Variants in ATAD3B observed in about 807,000 individuals in gnomAD.
The protein encoded by ATAD3B is ATPase family AAA domain containing 3B, also known as ATPase family AAA domain-containing protein 3B.
Under a neutral mutation model 70.2 loss-of-function variants are expected in ATAD3B, and 59 were observed. The observed-to-expected ratio is 0.84, with a 90% CI of 0.68 to 1.04. ATAD3B has a LOEUF of 1.04. Among genes scored for constraint, ATAD3B ranks in the 50% least tolerant of loss-of-function variants. ATAD3B has a pLI of 0.00. For synonymous variants in ATAD3B, 423 were observed against 388.6 expected (o/e 1.09, Z -1.04); for missense variants, 961 against 913.4 (o/e 1.05, Z -0.67).
In ATAD3B at chr1:1,486,676, G is replaced by A. The variant is rs1416948398; in HGVS notation, c.1214+8G>A. ...CAATACCAGCCGGCGCGGGTGAGAC[G>A]TCCCCACAGCATGCACCAGGCCCTT... On this transcript the variant is annotated splice_region_variant and intron_variant, in intron 11 of 15. Coordinates refer to ENST00000673477, the MANE Select transcript of ATAD3B (RefSeq NM_031921.6). 1.1e-5 allele frequency: 17 copies of A among 1,591,334 alleles called. 1 individual carries two copies. The highest frequency in any genetic ancestry group is 5.5e-5 in the African/African-American group (4 of 73,020).
At chr1:1,506,802 T>C in the ATAD3B span, among the ~76,000 whole-genome samples, 198 of 149,564 alleles carry the variant, frequency 1.3e-3, no homozygotes, top group African/African-American at 3.0e-3. Flanking sequence ...TTTTTTTTTT[T>C]TTTGATATGG....
chr1:1,496,300 C>T lies in ATAD3B; in HGVS notation c.*483C>T. The T allele has an allele frequency of 2.1e-6, 2 of 935,764 alleles. No individual in the cohort carries two copies. The highest frequency in any genetic ancestry group is 9.9e-5 in the South Asian group (2 of 20,294). 58.0% of individuals were successfully genotyped at this position (935,764 alleles called of 1,614,324 possible). On this transcript the variant is annotated 3_prime_UTR_variant, in exon 16 of 16. Transcript: ENST00000673477. ...GTGACATAAGAGGCAGAGGCTGGAG[C>T]TTTCTGGAGAATTTACTGATCACAG... is the stretch of plus-strand genomic sequence containing the variant.
At chr1:1,487,801 A>T (rs1309482330) in intron 11 of ATAD3B, 62 bp from the exon 12 acceptor site, 1 of 1,594,370 alleles carries the variant, frequency 6.3e-7, no homozygotes. Flanking sequence ...CCGCGGCCGG[A>T]CGCTGCTGTG....
chr1:1,477,047 C>G (rs568467643), intron 1 of ATAD3B, among the ~76,000 whole-genome samples: 9 of 151,844 alleles, frequency 5.9e-5, no homozygotes, highest in Non-Finnish European at 1.0e-4. Flanking sequence ...TTAAGTCTCA[C>G]TCTGTCCAGC....
chr1:1,475,473 C>T (rs902267323), intron 1 of ATAD3B, among the ~76,000 whole-genome samples: 4 of 151,728 alleles, frequency 2.6e-5, no homozygotes, highest in South Asian at 4.2e-4. Context: ...GAGATTCGCC[C>T]GTTGCTTTGT....
rs1274855463 is a variant in ATAD3B at position 1,471,883 on chromosome 1, G to T, written c.-2G>T. ...GGCGGTAGCGGCGGCGGCGGTGCGA[G>T]CATGTCGTGGCTCTTCGGCGTTAAC... On this transcript the variant is annotated 5_prime_UTR_variant, in exon 1 of 16. Coordinates refer to ENST00000673477, the MANE Select transcript of ATAD3B (RefSeq NM_031921.6). The T allele has an allele frequency of 9.4e-6, 12 of 1,274,876 alleles. No homozygotes were observed. Among genetic ancestry groups the T allele is most frequent in the African/African-American group, 1.5e-5 (1 of 65,002 alleles). 79.0% of individuals were successfully genotyped at this position (1,274,876 alleles called of 1,614,324 possible).
At chr1:1,474,172 G>T (rs1296321936) in intron 1 of ATAD3B, among the ~76,000 whole-genome samples, 3 of 150,896 alleles carry the variant, frequency 2.0e-5, no homozygotes, top group African/African-American at 7.4e-5. Flanking sequence ...GGCTTGCTCG[G>T]TAATTTTTCT....
chr1:1,509,261 C>G, the ATAD3B span: 3 of 1,612,838 alleles, frequency 1.9e-6, no homozygotes, highest in Non-Finnish European at 2.5e-6. Flanking sequence ...TGGACACCCG[C>G]GTGCAAGATG....
At chr1:1,506,031 G>A in the ATAD3B span, among the ~76,000 whole-genome samples, 2 of 152,098 alleles carry the variant, frequency 1.3e-5, no homozygotes, top group African/African-American at 4.8e-5. Flanking sequence ...TCAGGAGTTC[G>A]ACACCAGCCT....
chr1:1,472,838 T>G (rs1272401884), intron 1 of ATAD3B, among the ~76,000 whole-genome samples: 2 of 152,082 alleles, frequency 1.3e-5, no homozygotes, highest in East Asian at 3.9e-4. Flanking sequence ...GTTCTTTCTA[T>G]TTATTTATAT....
At chr1:1,475,312 T>C (rs1639534853) in intron 1 of ATAD3B, among the ~76,000 whole-genome samples, 1 of 151,360 alleles carries the variant, frequency 6.6e-6, no homozygotes, top group Admixed American at 6.6e-5. Context: ...GCCTCACTGC[T>C]GGCGGGTGAG....
Position 1,485,287 on chromosome 1 carries a change from C to T in ATAD3B, c.906+116C>T, listed in dbSNP as rs1233113684. 17 of 1,485,544 alleles carry T rather than the reference C, an allele frequency of 1.1e-5. 1 individual carries two copies. The highest frequency in any genetic ancestry group is 1.4e-5 in the African/African-American group (1 of 72,448). 92.0% of individuals were successfully genotyped at this position (1,485,544 alleles called of 1,614,324 possible). A position where few individuals can be genotyped will look rare whatever the true frequency, so the allele number is the denominator to read the frequency against. On this transcript the variant is annotated intron_variant, in intron 8 of 15. Coordinates refer to ENST00000673477, the MANE Select transcript of ATAD3B (RefSeq NM_031921.6). ...CTTCCCTTTCCCCGGATAACAGGCA[C>T]CCGCACGCTGCTTCACGGGTGGGTT...
chr1:1,495,211 G>T (rs1325931391), intron 15 of ATAD3B, among the ~76,000 whole-genome samples: 1 of 152,018 alleles, frequency 6.6e-6, no homozygotes, highest in African/African-American at 2.4e-5. Context: ...CCCTGGGTCA[G>T]CCGTCAGTGG....
At chr1:1,502,662 C>CCA, downstream of ATAD3B, among the ~76,000 whole-genome samples, 3 of 151,256 alleles carry the variant, frequency 2.0e-5, no homozygotes, top group African/African-American at 7.3e-5. Context: ...CAGGCACAGG[C>CCA]CGACATGCCC....
chr1:1,504,622 C>T, the ATAD3B span, among the ~76,000 whole-genome samples: 1 of 151,720 alleles, frequency 6.6e-6, no homozygotes, highest in East Asian at 2.0e-4. Flanking sequence ...TGCACTGAAG[C>T]CTCAGCAACA....
downstream of ATAD3B, among the ~76,000 whole-genome samples, chr1:1,502,511 T>C (rs1193120742): frequency 2.6e-5 from 3 of 114,842 alleles, no homozygotes; most frequent in Admixed American, 9.0e-5. Flanking sequence ...CCCAGCATTT[T>C]TTTTTTTTTT....
downstream of ATAD3B, among the ~76,000 whole-genome samples, chr1:1,499,686 C>T (rs189443181): frequency 1.1e-4 from 16 of 144,732 alleles, no homozygotes; most frequent in East Asian, 2.3e-3. Context: ...CTCCGCCTGC[C>T]GGGTTCAAGC....
downstream of ATAD3B, among the ~76,000 whole-genome samples, chr1:1,501,553 C>A (rs1640946666): frequency 6.6e-6 from 1 of 152,086 alleles, no homozygotes; most frequent in Non-Finnish European, 1.5e-5. Flanking sequence ...CCGTGCCCGG[C>A]CTAATTTTTG....
rs1171927079 is a variant in ATAD3B at position 1,481,000 on chromosome 1, A to G, written c.514+64A>G. 2.5e-6 allele frequency: 4 copies of G among 1,569,746 alleles called. 1 individual carries two copies. Among genetic ancestry groups the G allele is most frequent in the East Asian group, 4.8e-5 (2 of 41,564 alleles). On this transcript the variant is annotated intron_variant, in intron 5 of 15. Coordinates refer to ENST00000673477, the MANE Select transcript of ATAD3B (RefSeq NM_031921.6). ...GGGGCTGCTTGTGGATCCGGCGTGCACTCTGAGCCTGAGTTCTGCCGCCCG... is the reference window on the plus strand; with the variant it reads ...GGGGCTGCTTGTGGATCCGGCGTGCGCTCTGAGCCTGAGTTCTGCCGCCCG...
Sources: allele counts gnomAD v4.1 joint callset (sites outside exome capture counted in the v4.1 genomes callset), GRCh38; gene constraint gnomAD v4.1.1; transcripts MANE v1.5; gene names NCBI Gene and HGNC (gene_info 2026-07-23, HGNC 2026-07-21).